PPM1E: variants seen among roughly 807,000 people sequenced by gnomAD.
The protein encoded by PPM1E is protein phosphatase, Mg2+/Mn2+ dependent 1E.
Under a neutral mutation model 65.9 loss-of-function variants are expected in PPM1E, and 20 were observed. That is an observed-to-expected ratio of 0.30 (90% CI 0.21 to 0.44). The LOEUF is 0.44. Ranked by LOEUF, PPM1E falls within the 20% of genes least tolerant of loss-of-function variation. PPM1E has a pLI of 1.00. For missense variants in PPM1E, 713 were observed against 953.1 expected (o/e 0.75, Z 3.32); for synonymous variants, 352 against 374.9 (o/e 0.94, Z 0.70).
In PPM1E at chr17:58,980,755, TTC is replaced by T. The variant is rs1415245503; in HGVS notation, c.1994_1995del (p.Ser665Ter). On this transcript the variant is annotated frameshift_variant, in exon 7 of 7. Coordinates refer to ENST00000308249, the MANE Select transcript of PPM1E (RefSeq NM_014906.5). LOFTEE classifies it high-confidence loss of function. The surrounding 1 kb of genome is among the most constrained non-coding windows in gnomAD (Gnocchi z 4.7). The part of the protein sequence containing the change: ...EQFKSPGNRV[S>X]RLSHLRHHYS... ...AGTTCAAATCCCCGGGAAACAGAGT[TTC>T]TAGATTGTCTCATTTACGCCACCAC... 1 of 1,614,112 alleles carries T rather than the reference TTC, an allele frequency of 6.2e-7. No individual in the cohort carries two copies. Among genetic ancestry groups the T allele is most frequent in the South Asian group, 1.1e-5 (1 of 91,076 alleles).
intron 1 of PPM1E, among the ~76,000 whole-genome samples, chr17:58,861,922 C>CT (rs935449732): frequency 1.2e-5 from 1 of 86,182 alleles, no homozygotes; most frequent in African/African-American, 5.4e-5. Context: ...AAGTGAGATA[C>CT]TTTAAAAAAA....
chr17:58,811,763 C>T (rs745384325), intron 1 of PPM1E, among the ~76,000 whole-genome samples: 7 of 152,014 alleles, frequency 4.6e-5, no homozygotes, highest in Non-Finnish European at 7.4e-5. Context: ...CTCCACCTCC[C>T]GGGGTCAAGC....
At position 58,774,358 on chromosome 17, in the gene PPM1E, G is replaced by A. The variant is rs369663383; in HGVS notation, c.464+17897G>A. Among the ~76,000 whole-genome samples, 54 of 152,094 alleles carry A rather than the reference G, an allele frequency of 3.6e-4. No homozygotes were observed. The East Asian group carries it at 4.4e-3, about 12-fold the overall frequency. ...GAAAGTGAATAAATAGATATTTTCA[G>A]TGCAAATTTTTCTTTATCACAGGAC... is the stretch of plus-strand genomic sequence containing the variant. On this transcript the variant is annotated intron_variant, in intron 1 of 6. Transcript: ENST00000308249.
chr17:58,764,913 A>G (rs1028024704), intron 1 of PPM1E, among the ~76,000 whole-genome samples: 2 of 151,452 alleles, frequency 1.3e-5, no homozygotes, highest in Non-Finnish European at 2.9e-5. Context: ...TTTTCTTTCC[A>G]GGTTTGTATA....
At chr17:58,957,587 G>A (rs1234769304) in intron 2 of PPM1E, among the ~76,000 whole-genome samples, 5 of 151,934 alleles carry the variant, frequency 3.3e-5, no homozygotes, top group African/African-American at 1.2e-4. Flanking sequence ...GAATCTCTAT[G>A]GGGCATATTG....
chr17:58,809,530 T>A (rs2050345804), intron 1 of PPM1E, among the ~76,000 whole-genome samples: 1 of 152,158 alleles, frequency 6.6e-6, no homozygotes. Context: ...ACTATAGACA[T>A]GCTCCACAAG....
chr17:58,912,894 G>A (rs1296622112), intron 1 of PPM1E, among the ~76,000 whole-genome samples: 1 of 152,130 alleles, frequency 6.6e-6, no homozygotes, highest in Non-Finnish European at 1.5e-5. Flanking sequence ...AACCCAGAAA[G>A]GACTGGGTTC....
chr17:58,887,606 G>A (rs1567864807), intron 1 of PPM1E, among the ~76,000 whole-genome samples: 1 of 152,198 alleles, frequency 6.6e-6, no homozygotes, highest in East Asian at 1.9e-4. Context: ...CAGGTTTGAG[G>A]AATGACAGAG....
chr17:58,778,958 A>ATATC (rs1213473004), intron 1 of PPM1E, among the ~76,000 whole-genome samples: 2 of 133,596 alleles, frequency 1.5e-5, no homozygotes, highest in African/African-American at 5.8e-5. Flanking sequence ...ATATATATAT[A>ATATC]TATGTAGTAT....
chr17:58,884,247 C>T (rs1486837994), intron 1 of PPM1E, among the ~76,000 whole-genome samples: 1 of 152,300 alleles, frequency 6.6e-6, no homozygotes, highest in African/African-American at 2.4e-5. Flanking sequence ...TTTATCCATT[C>T]CACTCCCAAC....
At chr17:58,977,278 A>C (rs1328236159) in intron 6 of PPM1E, among the ~76,000 whole-genome samples, 2 of 152,128 alleles carry the variant, frequency 1.3e-5, no homozygotes, top group Non-Finnish European at 2.9e-5. Context: ...CCCTGTCTCT[A>C]CTAAAAACAC....
At position 58,805,966 on chromosome 17, in the gene PPM1E, AAAAAAAAC is replaced by A. The variant is rs1567838775; in HGVS notation, c.464+49513_464+49520del. On this transcript the variant is annotated intron_variant, in intron 1 of 6. Transcript: ENST00000308249. ...TGTTCTGCTAAAAAAAAAAACAAAA[AAAAAAAAC>A]AAAAAAAAAACAAAACAAAACAAAA... Among the ~76,000 whole-genome samples, 693 of 114,000 alleles carry A rather than the reference AAAAAAAAC, an allele frequency of 6.1e-3. 9 individuals are homozygous for A. The highest frequency in any genetic ancestry group is 0.018 in the Middle Eastern group (4 of 228). The allele number at this position is 114,000 out of a possible 152,430, so 74.8% of individuals were successfully genotyped here.
intron 1 of PPM1E, among the ~76,000 whole-genome samples, chr17:58,849,236 G>A (rs548628706): frequency 7.9e-5 from 12 of 152,094 alleles, no homozygotes; most frequent in African/African-American, 2.7e-4. Context: ...TGGATTCATC[G>A]ATTTTTTTGA....
intron 2 of PPM1E, among the ~76,000 whole-genome samples, chr17:58,961,465 T>C (rs1238940266): frequency 2.6e-5 from 4 of 152,302 alleles, no homozygotes; most frequent in Admixed American, 1.3e-4. Context: ...TCTAGAGGCA[T>C]AGAATGTAGC....
intron 1 of PPM1E, among the ~76,000 whole-genome samples, chr17:58,940,801 C>T (rs1011661353): frequency 2.0e-5 from 3 of 152,122 alleles, no homozygotes; most frequent in African/African-American, 7.2e-5. Flanking sequence ...ACCTGCACCT[C>T]CCAGGTTCAA....
At chr17:58,816,794 ATTTTTTTT>A (rs71367634) in intron 1 of PPM1E, among the ~76,000 whole-genome samples, 4 of 16,652 alleles carry the variant, frequency 2.4e-4, no homozygotes, top group South Asian at 1.6e-3. Context: ...ATATATATAT[ATTTTTTTT>A]TTTTTTTTTT....
intron 1 of PPM1E, among the ~76,000 whole-genome samples, chr17:58,834,077 G>A (rs2050630787): frequency 6.6e-6 from 1 of 152,058 alleles, no homozygotes; most frequent in Non-Finnish European, 1.5e-5. Flanking sequence ...TCGCCCATTT[G>A]GAAGTGTTTT....
chr17:58,864,814 T>C (rs1236020726), intron 1 of PPM1E, among the ~76,000 whole-genome samples: 1 of 151,942 alleles, frequency 6.6e-6, no homozygotes, highest in African/African-American at 2.4e-5. Context: ...CAGGCGCCTG[T>C]AGTCCCAGCT....
intron 1 of PPM1E, among the ~76,000 whole-genome samples, chr17:58,919,437 G>A (rs2143528339): frequency 6.6e-6 from 1 of 152,238 alleles, no homozygotes; most frequent in East Asian, 1.9e-4. Context: ...AAGTGTCAAT[G>A]ACATAACTAA....
Sources: allele counts gnomAD v4.1 joint callset (sites outside exome capture counted in the v4.1 genomes callset), GRCh38; gene constraint gnomAD v4.1.1; non-coding constraint Gnocchi (gnomAD v3.1); transcripts MANE v1.5; gene names NCBI Gene and HGNC (gene_info 2026-07-23, HGNC 2026-07-21).